The following ANKS1B variants were observed in gnomAD, a reference collection of about 807,000 sequenced individuals.
ANKS1B encodes the protein ankyrin repeat and sterile alpha motif domain-containing protein 1B.
A neutral mutation model predicts 148.3 loss-of-function variants in ANKS1B; 36 were observed. The observed-to-expected ratio is 0.24, with a 90% CI of 0.19 to 0.32. The LOEUF is 0.32. Ranked by LOEUF, ANKS1B falls within the 10% of genes least tolerant of loss-of-function variation. The probability of loss-of-function intolerance (pLI) is 1.00; values close to 1 mark genes in which losing one functional copy is unlikely to be tolerated. For missense variants in ANKS1B, 1,157 were observed against 1,542.6 expected (o/e 0.75, Z 4.19); for synonymous variants, 542 against 560.8 (o/e 0.97, Z 0.47).
intron 1 of ANKS1B, among the ~76,000 whole-genome samples, chr12:99,835,414 G>A (rs771640266): frequency 1.3e-5 from 2 of 150,450 alleles, no homozygotes. Flanking sequence ...GGACAACAGA[G>A]CAAGACCCAG....
intron 8 of ANKS1B, among the ~76,000 whole-genome samples, chr12:99,699,092 A>G (rs1014626640): frequency 6.6e-6 from 1 of 152,176 alleles, no homozygotes; most frequent in Non-Finnish European, 1.5e-5. Context: ...ATTCAATGAC[A>G]CAGGCAGTGT....
At chr12:99,153,429 A>C (rs2075447762) in intron 15 of ANKS1B, among the ~76,000 whole-genome samples, 1 of 152,100 alleles carries the variant, frequency 6.6e-6, no homozygotes, top group Non-Finnish European at 1.5e-5. Flanking sequence ...GGGTACTTAA[A>C]AGCAAGGAAA....
At chr12:99,325,163 T>C (rs1485254523) in intron 12 of ANKS1B, among the ~76,000 whole-genome samples, 1 of 152,128 alleles carries the variant, frequency 6.6e-6, no homozygotes. Flanking sequence ...AAAGTATGCA[T>C]GAATTTCCAA....
intron 11 of ANKS1B, among the ~76,000 whole-genome samples, chr12:99,422,347 C>G (rs2095114370): frequency 6.6e-6 from 1 of 152,168 alleles, no homozygotes; most frequent in Admixed American, 6.5e-5. Flanking sequence ...TTCTTTCCCT[C>G]AAGCACCTCA....
intron 8 of ANKS1B, among the ~76,000 whole-genome samples, chr12:99,664,813 C>G (rs979162519): frequency 6.6e-6 from 1 of 152,166 alleles, no homozygotes. Flanking sequence ...TAACACTAAA[C>G]ATCTGTTTAA....
At chr12:99,882,813 A>T (rs540546138) in intron 1 of ANKS1B, among the ~76,000 whole-genome samples, 78 of 152,182 alleles carry the variant, frequency 5.1e-4, no homozygotes, top group South Asian at 1.5e-3. Flanking sequence ...AAGAAAAATA[A>T]TTTTTTTTAA....
At chr12:99,094,201 T>C (rs1281185303) in intron 15 of ANKS1B, among the ~76,000 whole-genome samples, 1 of 152,168 alleles carries the variant, frequency 6.6e-6, no homozygotes, top group African/African-American at 2.4e-5. Context: ...ACCTTTAGAA[T>C]TTACAGTCTA....
exon 10 of ANKS1B, chr12:98,734,879 TA>T (rs2097767071): frequency 3.5e-6 from 1 of 285,718 alleles, no homozygotes; most frequent in Non-Finnish European, 6.4e-6. Context: ...CTTTTGGAAT[TA>T]AAAGCCACTG....
Position 98,830,940 on chromosome 12 carries a change from A to ATTTTTTTTTTTTTTTTTTTTTTTTTT in ANKS1B, c.2886+1088_2886+1089insAAAAAAAAAAAAAAAAAAAAAAAAAA, listed in dbSNP as rs762642387. 1.1e-4 allele frequency: 5 copies of ATTTTTTTTTTTTTTTTTTTTTTTTTT among 45,548 alleles called. 1 individual carries two copies. Among genetic ancestry groups the ATTTTTTTTTTTTTTTTTTTTTTTTTT allele is most frequent in the African/African-American group, 7.7e-5 (1 of 13,008 alleles). 2.8% of individuals were successfully genotyped at this position (45,548 alleles called of 1,614,324 possible). On this transcript the variant is annotated intron_variant, in intron 18 of 26. Coordinates refer to ENST00000683438, the MANE Select transcript of ANKS1B (RefSeq NM_001352186.2). The stretch of plus-strand genomic sequence containing the variant: ...GTTCTCTTTAGTTTCCTACCTCATA[A>ATTTTTTTTTTTTTTTTTTTTTTTTTT]TTTTTTTTTTTTTTTTTTTTTTTTT...
intron 15 of ANKS1B, among the ~76,000 whole-genome samples, chr12:99,137,573 T>G (rs188722305): frequency 6.6e-6 from 1 of 152,120 alleles, no homozygotes; most frequent in African/African-American, 2.4e-5. Context: ...GAGATCTGAG[T>G]TGGCGCAGAA....
intron 4 of ANKS1B, among the ~76,000 whole-genome samples, chr12:99,795,046 G>A (rs2066083516): frequency 6.6e-6 from 1 of 151,662 alleles, no homozygotes; most frequent in African/African-American, 2.4e-5. Context: ...AGAAATAAGA[G>A]ATGGAAAATA....
chr12:98,971,364 T>A (rs1461220616), intron 17 of ANKS1B, among the ~76,000 whole-genome samples: 1 of 152,216 alleles, frequency 6.6e-6, no homozygotes, highest in African/African-American at 2.4e-5. Flanking sequence ...AACAAAGTAT[T>A]TTTTAAAGTA....
At chr12:99,392,771 G>A (rs995920521) in intron 12 of ANKS1B, among the ~76,000 whole-genome samples, 8 of 152,026 alleles carry the variant, frequency 5.3e-5, no homozygotes, top group East Asian at 3.9e-4. Flanking sequence ...GCTATTTTTC[G>A]GTCTTTTAAA....
At chr12:99,273,763 T>A (rs1057169038) in intron 12 of ANKS1B, among the ~76,000 whole-genome samples, 19 of 151,652 alleles carry the variant, frequency 1.3e-4, no homozygotes, top group Non-Finnish European at 8.8e-5. Context: ...TTTTTTGTAT[T>A]TTTAGTAGAG....
chr12:99,868,993 G>A (rs1363008281), intron 1 of ANKS1B, among the ~76,000 whole-genome samples: 2 of 152,094 alleles, frequency 1.3e-5, no homozygotes, highest in Non-Finnish European at 1.5e-5. Context: ...GGAGGCAGAG[G>A]TTGTAGCGAG....
intron 16 of ANKS1B, among the ~76,000 whole-genome samples, chr12:99,068,167 T>C (rs2045061971): frequency 6.6e-6 from 1 of 152,132 alleles, no homozygotes; most frequent in African/African-American, 2.4e-5. Context: ...ATAAAGTTCC[T>C]ACCTTCCAGG....
Position 99,627,272 on chromosome 12 carries a change from A to G in ANKS1B, c.1272+27795T>C, listed in dbSNP as rs192962092. Among the ~76,000 whole-genome samples, 15 of 152,306 alleles carry G rather than the reference A, an allele frequency of 9.8e-5. 1 individual carries two copies. Among genetic ancestry groups the G allele is most frequent in the Admixed American group, 9.8e-4 (15 of 15,294 alleles). The stretch of plus-strand genomic sequence containing the variant: ...TTTTATGTTTACTTATTAATGGGTT[A>G]TTAGTCATTATTAGAACATTTACAT... On this transcript the variant is annotated intron_variant, in intron 9 of 26. Transcript: ENST00000683438.
At chr12:99,923,240 T>C (rs536227268) in intron 1 of ANKS1B, among the ~76,000 whole-genome samples, 2 of 152,304 alleles carry the variant, frequency 1.3e-5, no homozygotes, top group African/African-American at 4.8e-5. Context: ...CCATAGCCTC[T>C]GGGAAGGTAA....
chr12:99,566,160 C>T (rs1267713358), intron 9 of ANKS1B, among the ~76,000 whole-genome samples: 2 of 152,108 alleles, frequency 1.3e-5, no homozygotes, highest in Admixed American at 6.5e-5. Context: ...GGAGAGGCTG[C>T]GAATTTTCAG....
Sources: allele counts gnomAD v4.1 joint callset (sites outside exome capture counted in the v4.1 genomes callset), GRCh38; gene constraint gnomAD v4.1.1; transcripts MANE v1.5; gene names NCBI Gene and HGNC (gene_info 2026-07-23, HGNC 2026-07-21).